SPMIP7: variants seen among roughly 807,000 people sequenced by gnomAD.
The protein encoded by SPMIP7 is sperm microtubule inner protein 7, also known as protein SPMIP7.
the SPMIP7 span, chr7:50,142,815 CT>C: frequency 6.6e-6 from 1 of 152,192 alleles, no homozygotes; most frequent in Non-Finnish European, 1.5e-5. Flanking sequence ...TTATGCCTTT[CT>C]TTTGCTTACT....
the SPMIP7 span, among the ~76,000 whole-genome samples, chr7:50,153,841 G>T: frequency 8.4e-3 from 1,278 of 152,234 alleles, 25 homozygotes; most frequent in African/African-American, 0.029. Flanking sequence ...CTCAGGCCCC[G>T]ACTAGCCTGT....
the SPMIP7 span, among the ~76,000 whole-genome samples, chr7:50,146,153 A>G: frequency 2.0e-5 from 3 of 152,132 alleles, no homozygotes; most frequent in Admixed American, 6.5e-5. Context: ...GCCTTTTCAG[A>G]CTACTTTCAC....
the SPMIP7 span, among the ~76,000 whole-genome samples, chr7:50,125,197 T>TATATATACACATATATACAC: frequency 1.7e-4 from 10 of 59,412 alleles, 1 homozygote; most frequent in African/African-American, 5.8e-4. Flanking sequence ...TATATACACA[T>TATATATACACATATATACAC]ATATATACAC....
At chr7:50,134,827 T>C in the SPMIP7 span, among the ~76,000 whole-genome samples, 5 of 152,226 alleles carry the variant, frequency 3.3e-5, no homozygotes, top group Non-Finnish European at 7.3e-5. Flanking sequence ...AGATAACTTT[T>C]CGTAATGTGT....
the SPMIP7 span, among the ~76,000 whole-genome samples, chr7:50,109,139 T>G: frequency 1.3e-5 from 2 of 152,198 alleles, no homozygotes; most frequent in Non-Finnish European, 2.9e-5. Context: ...TGATTTATGA[T>G]ATATAAAATG....
the SPMIP7 span, among the ~76,000 whole-genome samples, chr7:50,109,374 T>A: frequency 0.12 from 1,101 of 9,468 alleles, 21 homozygotes; most frequent in East Asian, 0.46. Flanking sequence ...TTTATTTATT[T>A]ATTTATTTAT....
chr7:50,136,349 G>T, the SPMIP7 span, among the ~76,000 whole-genome samples: 1 of 152,156 alleles, frequency 6.6e-6, no homozygotes, highest in Non-Finnish European at 1.5e-5. Context: ...CAGTTGCTCA[G>T]TGTGCCTGCT....
At chr7:50,140,457 C>G in the SPMIP7 span, among the ~76,000 whole-genome samples, 24 of 152,116 alleles carry the variant, frequency 1.6e-4, no homozygotes, top group African/African-American at 5.6e-4. Flanking sequence ...AAATACATTA[C>G]CTTTTGAAAT....
chr7:50,147,268 T>C, the SPMIP7 span, among the ~76,000 whole-genome samples: 1 of 152,204 alleles, frequency 6.6e-6, no homozygotes, highest in East Asian at 1.9e-4. Context: ...TGCAGCCCAC[T>C]GTGAGCTAAT....
At chr7:50,100,671 G>A in the SPMIP7 span, among the ~76,000 whole-genome samples, 2 of 152,038 alleles carry the variant, frequency 1.3e-5, no homozygotes, top group African/African-American at 4.8e-5. Context: ...AATTAGCCAG[G>A]CGTGGTGGTG....
the SPMIP7 span, chr7:50,140,092 ATTAAC>A: frequency 1.6e-6 from 2 of 1,262,984 alleles, no homozygotes; most frequent in Non-Finnish European, 2.2e-6. Context: ...TTTGATGTTT[ATTAAC>A]TTAATATAAA....
At chr7:50,111,202 A>G in the SPMIP7 span, among the ~76,000 whole-genome samples, 4 of 151,506 alleles carry the variant, frequency 2.6e-5, no homozygotes, top group African/African-American at 9.7e-5. Flanking sequence ...ATGGAAAACT[A>G]AGACACATCA....
At chr7:50,154,428 CT>C in the SPMIP7 span, among the ~76,000 whole-genome samples, 1 of 152,184 alleles carries the variant, frequency 6.6e-6, no homozygotes, top group African/African-American at 2.4e-5. Flanking sequence ...AACCACTGTT[CT>C]ATTCACTATC....
chr7:50,155,210 T>C, the SPMIP7 span, among the ~76,000 whole-genome samples: 1 of 152,218 alleles, frequency 6.6e-6, no homozygotes, highest in Non-Finnish European at 1.5e-5. Context: ...CATATTTACT[T>C]ATTTTTGTTT....
At chr7:50,114,189 C>G in the SPMIP7 span, among the ~76,000 whole-genome samples, 1 of 152,006 alleles carries the variant, frequency 6.6e-6, no homozygotes, top group African/African-American at 2.4e-5. Flanking sequence ...TATGAAAATT[C>G]AAGTTCACAC....
chr7:50,106,563 T>C, the SPMIP7 span, among the ~76,000 whole-genome samples: 1 of 152,220 alleles, frequency 6.6e-6, no homozygotes, highest in Non-Finnish European at 1.5e-5. Context: ...AAGGAAGATA[T>C]TATCTTATTA....
chr7:50,100,710 G>C, the SPMIP7 span, among the ~76,000 whole-genome samples: 1 of 151,992 alleles, frequency 6.6e-6, no homozygotes, highest in Non-Finnish European at 1.5e-5. Context: ...TACTCGGGAG[G>C]CTGAGGCAGG....
At chr7:50,151,773 T>C in the SPMIP7 span, among the ~76,000 whole-genome samples, 1 of 152,226 alleles carries the variant, frequency 6.6e-6, no homozygotes, top group Non-Finnish European at 1.5e-5. Context: ...TTTTGAATCT[T>C]ACCCAAAATT....
the SPMIP7 span, among the ~76,000 whole-genome samples, chr7:50,157,096 G>C: frequency 9.6e-4 from 146 of 152,332 alleles, no homozygotes; most frequent in East Asian, 0.022. Flanking sequence ...GCAAGGAACA[G>C]TGCATTTGGC....
Sources: allele counts gnomAD v4.1 joint callset (sites outside exome capture counted in the v4.1 genomes callset), GRCh38; gene constraint gnomAD v4.1.1; transcripts MANE v1.5; gene names NCBI Gene and HGNC (gene_info 2026-07-23, HGNC 2026-07-21).